The following EFCAB7 variants were observed in gnomAD, a reference collection of about 807,000 sequenced individuals.
EFCAB7 encodes the protein EF-hand calcium binding domain 7.
A neutral mutation model predicts 77.1 loss-of-function variants in EFCAB7; 66 were observed. The ratio of observed to expected loss-of-function variants is 0.86; its 90% CI spans 0.70 to 1.05. The LOEUF is 1.05. Ranked by LOEUF, EFCAB7 falls within the 50% of genes least tolerant of loss-of-function variation. EFCAB7 has a pLI of 0.00. For missense variants in EFCAB7, 638 were observed against 730.5 expected, an observed-to-expected ratio of 0.87 and a Z score of 1.46; for synonymous variants, 225 against 243.3, an observed-to-expected ratio of 0.92 and a Z score of 0.70.
At chr1:63,546,689 A>C (rs369110750) in intron 7 of EFCAB7, among the ~76,000 whole-genome samples, 325 of 152,272 alleles carry the variant, frequency 2.1e-3, no homozygotes, top group African/African-American at 7.6e-3. Flanking sequence ...TTTATTTGCT[A>C]ATTAATCTTA....
intron 6 of EFCAB7, among the ~76,000 whole-genome samples, chr1:63,535,275 GTTCAA>G (rs776375499): frequency 2.0e-5 from 3 of 152,110 alleles, no homozygotes; most frequent in Admixed American, 6.5e-5. Flanking sequence ...TTAAAATTTA[GTTCAA>G]TTCAACAAAT....
At position 63,546,003 on chromosome 1, in the gene EFCAB7, C is replaced by T. The variant is rs1264336117; in HGVS notation, c.892C>T (p.Gln298Ter). 3 of 1,613,652 alleles carry T rather than the reference C, an allele frequency of 1.9e-6. No homozygotes were observed. Among genetic ancestry groups the T allele is most frequent in the Non-Finnish European group, 2.5e-6 (3 of 1,179,806 alleles). Residue 298 changes from glutamine to a stop codon, truncating the protein, a stop_gained, in exon 7 of 14, where the codon CAG (glutamine) becomes TAG (stop). Coordinates refer to ENST00000371088, the MANE Select transcript of EFCAB7 (RefSeq NM_032437.4). LOFTEE classifies it high-confidence loss of function. ...TCATCAGTACAGGATGCAAATAGCT[C>T]AGAGGTCCATGGTTTATCTAACAAT... ...ISHQYRMQIA[Q>*]RSMVYLTIKP...
chr1:63,573,786 G>A (rs1039208610), downstream of EFCAB7, among the ~76,000 whole-genome samples: 6 of 152,116 alleles, frequency 3.9e-5, no homozygotes, highest in Non-Finnish European at 1.5e-5. Context: ...AGCATTCCCA[G>A]GACAGGCCTG....
chr1:63,535,997 G>C (rs1239429134), intron 6 of EFCAB7, among the ~76,000 whole-genome samples: 1 of 152,240 alleles, frequency 6.6e-6, no homozygotes, highest in African/African-American at 2.4e-5. Context: ...AGGTGTAATA[G>C]AAAAATGCCA....
chr1:63,531,809 T>G lies in EFCAB7; in HGVS notation c.188-11T>G. 1 of 1,608,946 alleles carries G rather than the reference T, an allele frequency of 6.2e-7. No individual in the cohort carries two copies. Among genetic ancestry groups the G allele is most frequent in the Non-Finnish European group, 8.5e-7 (1 of 1,178,170 alleles). Reference sequence around the variant, plus strand: ...GTTACAATCACAAATAATACTTGTCTTGTTGGGCAGCTCTTCAGCATGCAG... The same window carrying G: ...GTTACAATCACAAATAATACTTGTCGTGTTGGGCAGCTCTTCAGCATGCAG... On this transcript the variant is annotated splice_polypyrimidine_tract_variant and intron_variant, in intron 2 of 13. Transcript: ENST00000371088.
In EFCAB7 at chr1:63,534,363, G is replaced by T. The variant is rs568189252; in HGVS notation, c.804+147G>T. ...GTGTAATTTCTACCTGTAAGCTAGTGTAATACTTTTAAATTAAAAATGATG... is the reference window on the plus strand; with the variant it reads ...GTGTAATTTCTACCTGTAAGCTAGTTTAATACTTTTAAATTAAAAATGATG... On this transcript the variant is annotated intron_variant, in intron 6 of 13. Coordinates refer to ENST00000371088, the MANE Select transcript of EFCAB7 (RefSeq NM_032437.4). 82 of 578,464 alleles carry T rather than the reference G, an allele frequency of 1.4e-4. No individual in the cohort carries two copies. In the East Asian group the frequency reaches 2.4e-3, roughly 17 times the overall value. 35.8% of individuals were successfully genotyped at this position (578,464 alleles called of 1,614,324 possible).
At chr1:63,571,443 G>T (rs1242905857) in intron 13 of EFCAB7, among the ~76,000 whole-genome samples, 1 of 152,046 alleles carries the variant, frequency 6.6e-6, no homozygotes, top group Non-Finnish European at 1.5e-5. Context: ...GGAGGCCGAG[G>T]TGGGTGGATC....
Position 63,555,446 on chromosome 1 carries a change from C to T in EFCAB7, c.1145C>T (p.Pro382Leu). 2 of 1,613,830 alleles carry T rather than the reference C, an allele frequency of 1.2e-6. No homozygotes were observed. The highest frequency in any genetic ancestry group is 2.2e-5 in the South Asian group (2 of 91,058). The change falls in exon 9 of 14, where the codon CCA becomes CTA. Residue 382 changes from proline (P) to leucine (L), a missense_variant. Physicochemically the swap from Pro to Leu is moderately conservative, Grantham distance 98. Coordinates refer to ENST00000371088, the MANE Select transcript of EFCAB7 (RefSeq NM_032437.4). ...TGTAGGCTGAGGAAAAAAATAAAAC[C>T]AGTAACAGATGAAGCCCAACTTGTA... Reference protein sequence around the residue: ...TGCRLRKKIKPVTDEAQLVYR... With the variant: ...TGCRLRKKIKLVTDEAQLVYR...
chr1:63,527,386 T>A (rs1646612519), intron 2 of EFCAB7, among the ~76,000 whole-genome samples: 1 of 152,190 alleles, frequency 6.6e-6, no homozygotes, highest in Admixed American at 6.5e-5. Flanking sequence ...AGGAGTAACA[T>A]GAACTAGAGC....
In EFCAB7 at chr1:63,525,596, T is replaced by C. The variant is rs217478; in HGVS notation, c.24T>C (p.Asp8=). Residue 8 remains aspartate (D), a synonymous_variant, in exon 2 of 14, where the codon GAT becomes GAC. Coordinates refer to ENST00000371088, the MANE Select transcript of EFCAB7 (RefSeq NM_032437.4). MAISPRS[D]ATFSSQKSTP... The stretch of plus-strand genomic sequence containing the variant: ...GAATGGCGATCAGTCCACGAAGCGA[T>C]GCAACTTTCTCCAGTCAGAAATCAA... 0.35 allele frequency: 546,117 copies of C among 1,566,634 alleles called. 97,317 individuals are homozygous for C. Among genetic ancestry groups the C allele is most frequent in the Admixed American group, 0.48 (21,140 of 44,154 alleles).
chr1:63,533,727 G>T, intron 5 of EFCAB7, 78 bp downstream of exon 5: 3 of 1,076,314 alleles, frequency 2.8e-6, no homozygotes, highest in Non-Finnish European at 3.9e-6. Context: ...TTCCATTTCA[G>T]CTTATCAGTG....
chr1:63,556,180 A>T (rs1386540666), intron 9 of EFCAB7, among the ~76,000 whole-genome samples: 1 of 152,170 alleles, frequency 6.6e-6, no homozygotes, highest in African/African-American at 2.4e-5. Flanking sequence ...TAAGTTCAGG[A>T]GATCTGTTGA....
rs17125106 is a variant in EFCAB7 at position 63,525,651 on chromosome 1, T to A, written c.79T>A (p.Phe27Ile). The change falls in exon 2 of 14, where the codon TTT becomes ATT. Residue 27 changes from phenylalanine (F) to isoleucine (I), a missense_variant. Transcript: ENST00000371088. ...TPSESPRTKK[F>I]PLTEEEIFYM... ...TTCAGAGAGTCCTCGAACAAAGAAA[T>A]TTCCACTAACTGAAGAGGAAATATT... 6,212 of 1,602,082 alleles carry A rather than the reference T, an allele frequency of 3.9e-3. 201 individuals are homozygous for A. The African/African-American group carries it at 0.073, about 19-fold the overall frequency.
chr1:63,542,176 T>TA (rs1303974746), intron 6 of EFCAB7, among the ~76,000 whole-genome samples: 1 of 152,180 alleles, frequency 6.6e-6, no homozygotes, highest in East Asian at 1.9e-4. Context: ...CAAATTCACT[T>TA]AAACCTCATA....
intron 7 of EFCAB7, among the ~76,000 whole-genome samples, chr1:63,546,312 A>G (rs987567871): frequency 6.6e-6 from 1 of 152,178 alleles, no homozygotes; most frequent in Non-Finnish European, 1.5e-5. Context: ...TACAGCTAAG[A>G]TAGAAGAAAA....
chr1:63,527,573 T>A (rs551512652), intron 2 of EFCAB7, among the ~76,000 whole-genome samples: 208 of 152,278 alleles, frequency 1.4e-3, no homozygotes, highest in African/African-American at 4.9e-3. Flanking sequence ...TGGCAAAAGA[T>A]CCATATCATG....
intron 12 of EFCAB7, chr1:63,569,712 T>C (rs1464603851): frequency 6.6e-6 from 1 of 152,224 alleles, no homozygotes; most frequent in Non-Finnish European, 1.5e-5. Flanking sequence ...ACATACAGAA[T>C]GGATCCAAAT....
At chr1:63,545,535 C>T (rs1194742464) in intron 6 of EFCAB7, among the ~76,000 whole-genome samples, 3 of 152,134 alleles carry the variant, frequency 2.0e-5, no homozygotes, top group South Asian at 4.1e-4. Context: ...GGCGCGATCT[C>T]GGCTCACTGC....
chr1:63,546,296 C>A (rs1375412563), intron 7 of EFCAB7, among the ~76,000 whole-genome samples: 3 of 151,900 alleles, frequency 2.0e-5, no homozygotes, highest in African/African-American at 4.8e-5. Flanking sequence ...TTTTTCCAAA[C>A]TTTTCTACAG....
Sources: gnomAD v4.1 joint callset for allele counts (sites outside exome capture counted in the v4.1 genomes callset) on GRCh38, gnomAD v4.1.1 for gene constraint, MANE v1.5 for transcripts, NCBI Gene and HGNC (gene_info 2026-07-23, HGNC 2026-07-21) for gene names.